DPP6: variants seen among roughly 807,000 people sequenced by gnomAD.
DPP6 encodes the protein dipeptidyl peptidase like 6.
A neutral mutation model predicts 122.6 loss-of-function variants in DPP6; 69 were observed. That is an observed-to-expected ratio of 0.56 (90% CI 0.46 to 0.69). The LOEUF is 0.69. DPP6 is among the 30% of genes least tolerant of loss of function. DPP6 has a pLI of 0.00. For synonymous variants in DPP6, 418 were observed against 433.1 expected (o/e 0.97, Z 0.43); for missense variants, 928 against 1,116.9 (o/e 0.83, Z 2.41).
At chr7:153,871,920 C>A in the DPP6 span, among the ~76,000 whole-genome samples, 7 of 152,198 alleles carry the variant, frequency 4.6e-5, no homozygotes, top group Non-Finnish European at 1.0e-4. Flanking sequence ...AGAATTTCAT[C>A]CCTGCAGCAA....
chr7:154,034,864 A>G lies in DPP6; in HGVS notation c.51+147130A>G, dbSNP rs1481279630. 2.7e-5 allele frequency among the ~76,000 whole-genome samples: 4 copies of G among 150,778 alleles called. No individual in the cohort carries two copies. In the East Asian group the frequency reaches 5.8e-4, roughly 22 times the overall value. Reference sequence around the variant, plus strand: ...AAGGATCAACCAACAGAAAATTGAGAAAGTCAGTCCATTAATTTGTTTGGC... The same window carrying G: ...AAGGATCAACCAACAGAAAATTGAGGAAGTCAGTCCATTAATTTGTTTGGC... On this transcript the variant is annotated intron_variant, in intron 1 of 25. Coordinates refer to the DPP6 transcript ENST00000404039.
At chr7:154,693,241 A>G (rs1431820444) in intron 7 of DPP6, among the ~76,000 whole-genome samples, 1 of 152,200 alleles carries the variant, frequency 6.6e-6, no homozygotes, top group African/African-American at 2.4e-5. Context: ...ATTGTGTGCT[A>G]GTTTCTAACA....
chr7:154,789,775 G>A (rs1405168524), intron 10 of DPP6, among the ~76,000 whole-genome samples: 2 of 152,196 alleles, frequency 1.3e-5, no homozygotes, highest in Non-Finnish European at 2.9e-5. Context: ...ATGTCCCTTT[G>A]TCCAAAGCGT....
intron 5 of DPP6, among the ~76,000 whole-genome samples, chr7:154,623,543 C>T (rs968537358): frequency 1.6e-4 from 24 of 151,496 alleles, no homozygotes; most frequent in Admixed American, 1.3e-3. Flanking sequence ...TACAAACACA[C>T]ACACACGCAC....
At chr7:154,242,050 G>A (rs963067275) in intron 1 of DPP6, among the ~76,000 whole-genome samples, 5 of 152,202 alleles carry the variant, frequency 3.3e-5, no homozygotes, top group African/African-American at 9.6e-5. Flanking sequence ...GTCACTCTTG[G>A]ATTTTCAATA....
chr7:154,125,498 C>T (rs774734787), intron 1 of DPP6, among the ~76,000 whole-genome samples: 2 of 152,292 alleles, frequency 1.3e-5, no homozygotes, highest in South Asian at 2.1e-4. Flanking sequence ...GAGCAATGCA[C>T]CTGAGTGTGA....
the DPP6 span, among the ~76,000 whole-genome samples, chr7:153,760,553 G>A: frequency 1.3e-5 from 2 of 152,028 alleles, no homozygotes; most frequent in Admixed American, 6.6e-5. Context: ...TAAGGCCCCT[G>A]GAAATAATCT....
rs1460775927 is a variant in DPP6 at position 154,892,977 on chromosome 7, TC to T, written c.*499del. 2 of 515,518 alleles carry T rather than the reference TC, an allele frequency of 3.9e-6. No individual in the cohort carries two copies. The highest frequency in any genetic ancestry group is 1.1e-4 in the East Asian group (2 of 18,280). 31.9% of individuals were successfully genotyped at this position (515,518 alleles called of 1,614,324 possible). A position where few individuals can be genotyped will look rare whatever the true frequency, so the allele number is the denominator to read the frequency against. ...CGTGTTCATATATGGGCTTGCTACTTCCTGTAATGAGGACGTTCAACATGGT... is the reference window on the plus strand; with the variant it reads ...CGTGTTCATATATGGGCTTGCTACTTCTGTAATGAGGACGTTCAACATGGT... On this transcript the variant is annotated 3_prime_UTR_variant, in exon 26 of 26. Transcript: ENST00000377770.
At chr7:154,742,251 C>T (rs950746092) in intron 8 of DPP6, among the ~76,000 whole-genome samples, 12 of 152,194 alleles carry the variant, frequency 7.9e-5, no homozygotes, top group Non-Finnish European at 1.8e-4. Flanking sequence ...TGCATTTATT[C>T]TGCACCGAAG....
intron 1 of DPP6, among the ~76,000 whole-genome samples, chr7:154,276,196 C>T (rs1420965447): frequency 6.6e-6 from 1 of 152,106 alleles, no homozygotes; most frequent in African/African-American, 2.4e-5. Flanking sequence ...TGTTAAAACC[C>T]CATGCGTAGT....
chr7:154,476,129 C>T (rs1764927391), intron 3 of DPP6, among the ~76,000 whole-genome samples: 1 of 152,208 alleles, frequency 6.6e-6, no homozygotes, highest in South Asian at 2.1e-4. Context: ...TGCTTAGGGG[C>T]AATCACTTTT....
rs138157702 is a variant in DPP6 at position 154,143,255 on chromosome 7, C to A, written c.243+90192C>A. 5.9e-3 allele frequency among the ~76,000 whole-genome samples: 896 copies of A among 152,266 alleles called. 15 individuals are homozygous for A. The highest frequency in any genetic ancestry group is 0.02 in the African/African-American group (839 of 41,546). ...GTGTTTTGCGGATTGCCAGATAAGT[C>A]TTTTCTGACCGTTCCCAATCCTGAA... On this transcript the variant is annotated intron_variant, in intron 1 of 25. Transcript: ENST00000377770.
At chr7:154,551,966 A>G (rs1385145418) in intron 4 of DPP6, among the ~76,000 whole-genome samples, 1 of 152,186 alleles carries the variant, frequency 6.6e-6, no homozygotes, top group Non-Finnish European at 1.5e-5. Flanking sequence ...TATTGGAAGT[A>G]AGTCTTCCAT....
intron 1 of DPP6, among the ~76,000 whole-genome samples, chr7:154,302,006 A>G (rs1272572630): frequency 5.3e-5 from 8 of 152,076 alleles, no homozygotes; most frequent in East Asian, 3.9e-4. Context: ...TTTAGCAGAG[A>G]CGGGGTTTCA....
rs1227062756 is a variant in DPP6 at position 154,795,796 on chromosome 7, A to G, written c.1261-49A>G. Reference sequence around the variant, plus strand: ...GACACAATACATGCAAAAAAAAAAAAGAAAAGAAAAGAAAAACCCTCTTGT... The same window carrying G: ...GACACAATACATGCAAAAAAAAAAAGGAAAAGAAAAGAAAAACCCTCTTGT... On this transcript the variant is annotated intron_variant, in intron 11 of 25. Transcript: ENST00000377770. The G allele has an allele frequency of 8.5e-6, 6 of 705,604 alleles. No homozygotes were observed. In the African/African-American group the frequency reaches 1.4e-4, roughly 16 times the overall value. 43.7% of individuals were successfully genotyped at this position (705,604 alleles called of 1,614,324 possible).
intron 1 of DPP6, among the ~76,000 whole-genome samples, chr7:154,063,675 CCCAGCGG>C (rs1802446222): frequency 3.6e-5 from 4 of 112,068 alleles, no homozygotes; most frequent in African/African-American, 7.9e-5. Flanking sequence ...GGACCCCCAT[CCCAGCGG>C]GGGGAGGCAC....
At chr7:154,225,232 C>T (rs947870597) in intron 1 of DPP6, among the ~76,000 whole-genome samples, 6 of 152,010 alleles carry the variant, frequency 3.9e-5, no homozygotes, top group Non-Finnish European at 7.4e-5. Context: ...ACCTTTATAC[C>T]TCGAATCCCT....
rs953511138 is a variant in DPP6, at chr7:153,891,415, G to C, written c.51+3681G>C. Among the ~76,000 whole-genome samples the C allele has an allele frequency of 1.2e-4, 19 of 152,174 alleles. No individual in the cohort carries two copies. In the East Asian group the frequency reaches 3.7e-3, roughly 30 times the overall value. On this transcript the variant is annotated intron_variant, in intron 1 of 25. Coordinates refer to the DPP6 transcript ENST00000404039. ...AGACTAACCATGCCATATTCAATCT[G>C]TAATTTAATATACTAAGAGATAAAT... is the stretch of plus-strand genomic sequence containing the variant.
intron 1 of DPP6, among the ~76,000 whole-genome samples, chr7:154,301,013 TG>T: frequency 6.6e-6 from 1 of 152,246 alleles, no homozygotes; most frequent in South Asian, 2.1e-4. Context: ...CGATGTTATA[TG>T]GTGGTTTAGG....
Sources: gnomAD v4.1 joint callset for allele counts (sites outside exome capture counted in the v4.1 genomes callset) on GRCh38, gnomAD v4.1.1 for gene constraint, MANE v1.5 for transcripts, NCBI Gene and HGNC (gene_info 2026-07-23, HGNC 2026-07-21) for gene names.